Variants in EIF2AK4 observed in about 807,000 individuals in gnomAD.
EIF2AK4 encodes eukaryotic translation initiation factor 2 alpha kinase 4, also known as eIF-2-alpha kinase GCN2.
In EIF2AK4, 139 loss-of-function variants were observed where a neutral mutation model predicts 211.1. That is an observed-to-expected ratio of 0.66 (90% CI 0.57 to 0.76). EIF2AK4 has a LOEUF of 0.76. Ranked by LOEUF, EIF2AK4 falls within the 30% of genes least tolerant of loss-of-function variation. The pLI is 0.00. For synonymous variants in EIF2AK4, 710 were observed against 751.3 expected (o/e 0.94, Z 0.90); for missense variants, 1,664 against 2,043.8 (o/e 0.81, Z 3.58).
At chr15:39,937,021 A>C (rs1299919209) in intron 1 of EIF2AK4, among the ~76,000 whole-genome samples, 5 of 152,192 alleles carry the variant, frequency 3.3e-5, no homozygotes, top group African/African-American at 1.2e-4. Context: ...ATCATTTATA[A>C]ATAACATTTT....
intron 7 of EIF2AK4, among the ~76,000 whole-genome samples, chr15:39,965,040 T>A (rs12439021): frequency 6.6e-6 from 1 of 152,058 alleles, no homozygotes; most frequent in African/African-American, 2.4e-5. Flanking sequence ...GCTGTATGAG[T>A]GTACACCAGT....
intron 30 of EIF2AK4, among the ~76,000 whole-genome samples, chr15:40,019,505 G>A (rs1486298773): frequency 1.3e-5 from 2 of 152,154 alleles, no homozygotes; most frequent in Non-Finnish European, 2.9e-5. Flanking sequence ...TGAGCAGTGG[G>A]CAAGCAAGCA....
chr15:39,967,800 A>T lies in EIF2AK4; in HGVS notation c.1474A>T (p.Ser492Cys). The change falls in exon 9 of 39, where the codon AGC (serine) becomes TGC (cysteine). Residue 492 changes from serine to cysteine, a missense_variant. Ser to Cys is a moderately radical substitution (Grantham distance 112). Transcript: ENST00000263791. ...WRLGLLLLSL[S>C]QGQECGEYPV... ...TCTTGGCCTTCTGCTGCTGTCCCTCAGCCAAGGACAGGAATGTGGAGAGTA... is the reference window on the plus strand; with the variant it reads ...TCTTGGCCTTCTGCTGCTGTCCCTCTGCCAAGGACAGGAATGTGGAGAGTA... 1 of 1,614,214 alleles carries T rather than the reference A, an allele frequency of 6.2e-7. No individual in the cohort carries two copies. Among genetic ancestry groups the T allele is most frequent in the South Asian group, 1.1e-5 (1 of 91,080 alleles).
In EIF2AK4 at chr15:39,935,361, C is replaced by T. The variant is rs1224383082; in HGVS notation, c.144+1022C>T. Among the ~76,000 whole-genome samples the T allele has an allele frequency of 3.4e-5, 5 of 148,950 alleles. No homozygotes were observed. The South Asian group carries it at 8.5e-4, about 25-fold the overall frequency. ...GCTTTTTTTTTTTTTCTTTTTGAGACAGGGTCTTGCTCTGTCTCCCAAGCT... is the reference window on the plus strand; with the variant it reads ...GCTTTTTTTTTTTTTCTTTTTGAGATAGGGTCTTGCTCTGTCTCCCAAGCT... On this transcript the variant is annotated intron_variant, in intron 1 of 38. Coordinates refer to ENST00000263791, the MANE Select transcript of EIF2AK4 (RefSeq NM_001013703.4).
rs3816900 is a variant in EIF2AK4 at position 40,010,042 on chromosome 15, C to T, written c.3693+312C>T. On this transcript the variant is annotated intron_variant, in intron 26 of 38. Transcript: ENST00000263791. ...TTTGTCAGATAGTAAAGTTATTCAC[C>T]AACCTACTTATTAAGGCAAATCACT... Among the ~76,000 whole-genome samples the T allele has an allele frequency of 0.62, 94,206 of 152,030 alleles. 29,538 individuals carry two copies. Among genetic ancestry groups the T allele is most frequent in the African/African-American group, 0.71 (29,566 of 41,488 alleles).
chr15:40,020,548 G>C (rs2035371384), intron 30 of EIF2AK4: 1 of 150,522 alleles, frequency 6.6e-6, no homozygotes, highest in African/African-American at 2.4e-5. Context: ...ATTTTAGCCG[G>C]GCATGGTGGT....
chr15:40,031,579 C>A (rs952616504), intron 35 of EIF2AK4, among the ~76,000 whole-genome samples: 1 of 152,116 alleles, frequency 6.6e-6, no homozygotes, highest in Non-Finnish European at 1.5e-5. Flanking sequence ...TGTTTCACTG[C>A]GCTACGCCTT....
In EIF2AK4 at chr15:39,967,908, G is replaced by A. The variant is rs1298226972; in HGVS notation, c.1553+29G>A. The A allele has an allele frequency of 1.9e-6, 3 of 1,605,252 alleles. No homozygotes were observed. In the South Asian group the frequency reaches 3.3e-5, roughly 18 times the overall value. ...AGTATCACTGAGATTCTCTCTAATAGCACTTTACTCCTGTACTTTTGATTG... is the reference window on the plus strand; with the variant it reads ...AGTATCACTGAGATTCTCTCTAATAACACTTTACTCCTGTACTTTTGATTG... On this transcript the variant is annotated intron_variant, in intron 9 of 38. Transcript: ENST00000263791.
chr15:39,976,728 G>A lies in EIF2AK4; in HGVS notation c.2133G>A (p.Trp711Ter). 6.2e-7 allele frequency: 1 copy of A among 1,602,542 alleles called. No homozygotes were observed. Among genetic ancestry groups the A allele is most frequent in the Non-Finnish European group, 8.5e-7 (1 of 1,177,458 alleles). ...CCATCCTCAGCAGCTCGGTGGAGTG[G>A]AGCACTTCGGGCGAGCGCTCGGCCA... ...PPPILSSSVE[W>*]STSGERSASA... Residue 711 changes from tryptophan to a stop codon, truncating the protein, a stop_gained, in exon 12 of 39, where the codon TGG becomes TGA. Coordinates refer to ENST00000263791, the MANE Select transcript of EIF2AK4 (RefSeq NM_001013703.4). LOFTEE classifies it high-confidence loss of function.
rs776140816 is a variant in EIF2AK4 at position 40,017,243 on chromosome 15, G to C, written c.4065+1G>C. ...AGCTGGAGGCAGATATGACCTGCTG[G>C]TGAGGGCTTGCCCTTTATTTATTTG... is the stretch of plus-strand genomic sequence containing the variant. On this transcript the variant is annotated splice_donor_variant, in intron 29 of 38. Transcript: ENST00000263791. LOFTEE classifies it high-confidence loss of function. 6.2e-7 allele frequency: 1 copy of C among 1,609,888 alleles called. No individual in the cohort carries two copies. The highest frequency in any genetic ancestry group is 8.5e-7 in the Non-Finnish European group (1 of 1,176,556).
intron 3 of EIF2AK4, among the ~76,000 whole-genome samples, chr15:39,945,156 TC>T (rs1460074997): frequency 1.3e-5 from 2 of 151,976 alleles, no homozygotes; most frequent in African/African-American, 4.8e-5. Context: ...TTTTTTTTTT[TC>T]TTTTTGAGAG....
rs2140916351 is a variant in EIF2AK4 at position 39,972,991 on chromosome 15, C to T, written c.1637C>T (p.Pro546Leu). 1 of 1,613,948 alleles carries T rather than the reference C, an allele frequency of 6.2e-7. No individual in the cohort carries two copies. Among genetic ancestry groups the T allele is most frequent in the South Asian group, 1.1e-5 (1 of 91,070 alleles). Residue 546 changes from proline to leucine, a missense_variant, in exon 10 of 39, where the codon CCT (proline) becomes CTT (leucine). By Grantham distance (98) the Pro-to-Leu change is moderately conservative. Around this residue, in one of 7 missense-constraint regions of EIF2AK4, gnomAD observed 641 missense variants for 729.6 expected, o/e 0.88. Transcript: ENST00000263791. ...TTTATAAATCCCCAGCCAAAAATGC[C>T]TCTAGTGGAACAAAGTCCTGAAGGT... ...HSFINPQPKM[P>L]LVEQSPEDSE...
intron 2 of EIF2AK4, among the ~76,000 whole-genome samples, chr15:39,942,163 C>A (rs1488388241): frequency 6.6e-6 from 1 of 151,886 alleles, no homozygotes; most frequent in Non-Finnish European, 1.5e-5. Flanking sequence ...ATATTCTTAT[C>A]CTTTTGAATG....
chr15:40,034,494 C>A, intron 38 of EIF2AK4, 50 bp downstream of exon 38: 1 of 1,416,052 alleles, frequency 7.1e-7, no homozygotes, highest in Non-Finnish European at 9.9e-7. Context: ...AAATTCAGGG[C>A]GGGGGGTTTC....
chr15:39,978,161 T>C lies in EIF2AK4; in HGVS notation c.2319+14T>C, dbSNP rs1271386374. On this transcript the variant is annotated intron_variant, in intron 13 of 38. Transcript: ENST00000263791. ...AGTCAGAATCAGGTATATATATGAA[T>C]AGAAATTATATCATTTTATTCGTGA... 14 of 1,256,246 alleles carry C rather than the reference T, an allele frequency of 1.1e-5. No individual in the cohort carries two copies. The highest frequency in any genetic ancestry group is 2.8e-5 in the South Asian group (2 of 71,348). The allele number at this position is 1,256,246 out of a possible 1,614,324, so 77.8% of individuals were successfully genotyped here.
rs752447237 is a variant in EIF2AK4 at position 39,934,143 on chromosome 15, G to C, written c.-53G>C. 1,743 of 1,250,728 alleles carry C rather than the reference G, an allele frequency of 1.4e-3. 4 individuals carry two copies. The highest frequency in any genetic ancestry group is 1.6e-3 in the Non-Finnish European group (1,609 of 1,002,350). 77.5% of individuals were successfully genotyped at this position (1,250,728 alleles called of 1,614,324 possible). On this transcript the variant is annotated 5_prime_UTR_variant, in exon 1 of 39. Coordinates refer to ENST00000263791, the MANE Select transcript of EIF2AK4 (RefSeq NM_001013703.4). Reference sequence around the variant, plus strand: ...GCGGAGCCCCGCCCCGCAGGCTGCCGGGGGCCCACCGCCGCCCAGGCAAGG... The same window carrying C: ...GCGGAGCCCCGCCCCGCAGGCTGCCCGGGGCCCACCGCCGCCCAGGCAAGG...
At chr15:40,027,274 A>G (rs1382915650) in intron 33 of EIF2AK4, among the ~76,000 whole-genome samples, 2 of 152,212 alleles carry the variant, frequency 1.3e-5, no homozygotes, top group South Asian at 2.1e-4. Context: ...TATGTATTCA[A>G]TCTGTTGTGA....
chr15:39,953,978 T>C lies in EIF2AK4; in HGVS notation c.588T>C (p.Ala196=), dbSNP rs755642846. 6.3e-7 allele frequency: 1 copy of C among 1,590,416 alleles called. No homozygotes were observed. The highest frequency in any genetic ancestry group is 2.2e-5 in the East Asian group (1 of 44,662). ...AAGAGAAAAAAAGGAAAGAAATGGC[T>C]AAGCAGGTACCCTATCAACTCCACC... ...IKEEKKRKEM[A]KQERLEIASL... The change falls in exon 5 of 39, where the codon GCT becomes GCC. Residue 196 remains alanine, a synonymous_variant. Transcript: ENST00000263791.
intron 3 of EIF2AK4, among the ~76,000 whole-genome samples, chr15:39,944,672 G>A (rs1381145606): frequency 2.0e-5 from 3 of 151,888 alleles, no homozygotes; most frequent in Non-Finnish European, 2.9e-5. Context: ...TGACCTCGTG[G>A]TCCACCCGCC....
Sources: allele counts gnomAD v4.1 joint callset (sites outside exome capture counted in the v4.1 genomes callset), GRCh38; gene constraint gnomAD v4.1.1; regional missense constraint gnomAD v4.1.1; transcripts MANE v1.5; gene names NCBI Gene and HGNC (gene_info 2026-07-23, HGNC 2026-07-21).